The following ADGRG3 variants were observed in gnomAD, a reference collection of about 807,000 sequenced individuals.
ADGRG3 encodes G protein-coupled receptor 97.
ADGRG3 carries 39 observed loss-of-function variants against 54.3 expected under a neutral mutation model. The observed-to-expected ratio is 0.72, with a 90% CI of 0.56 to 0.94. The LOEUF (loss-of-function observed/expected upper bound fraction) is 0.94. Among genes scored for constraint, ADGRG3 ranks in the 40% least tolerant of loss-of-function variants. ADGRG3 has a pLI of 0.00. For missense variants in ADGRG3, 654 were observed against 694.6 expected, an observed-to-expected ratio of 0.94 and a Z score of 0.66; for synonymous variants, 312 against 290.0, an observed-to-expected ratio of 1.08 and a Z score of -0.77.
chr16:57,670,623 CATCT>C (rs1452510538), intron 1 of ADGRG3, among the ~76,000 whole-genome samples: 3 of 152,160 alleles, frequency 2.0e-5, no homozygotes, highest in African/African-American at 7.2e-5. Context: ...TATTCATGCT[CATCT>C]ATCATTTTCA....
Position 57,668,386 on chromosome 16 carries a change from C to G in ADGRG3, c.39C>G (p.Leu13=). 3.2e-6 allele frequency: 5 copies of G among 1,574,836 alleles called. No individual in the cohort carries two copies. Among genetic ancestry groups the G allele is most frequent in the Non-Finnish European group, 4.3e-6 (5 of 1,167,904 alleles). The change falls in exon 1 of 12, where the codon CTC becomes CTG. Residue 13 remains leucine (L), a synonymous_variant. Transcript: ENST00000333493. The part of the protein sequence containing the change: ...TPRGLGALLL[L]LLLPTSGQEK... ...GGGGCCTGGGGGCCCTGCTCCTGCT[C>G]CTCCTGCTCCCGACCTCAGGTGAGT...
At chr16:57,682,161 G>A (rs1597775556) in intron 8 of ADGRG3, among the ~76,000 whole-genome samples, 1 of 152,340 alleles carries the variant, frequency 6.6e-6, no homozygotes, top group East Asian at 1.9e-4. Context: ...GGGAGTGAGT[G>A]CAGGACAGGC....
At chr16:57,676,452 C>A (rs541362748) in intron 3 of ADGRG3, 114 bp downstream of exon 3, 5 of 986,026 alleles carry the variant, frequency 5.1e-6, no homozygotes, top group East Asian at 4.9e-5. Flanking sequence ...GTCCCTCCCC[C>A]ACGTCCCAAT....
Position 57,680,499 on chromosome 16 carries a change from C to T in ADGRG3, c.769-6C>T, listed in dbSNP as rs114751707. On this transcript the variant is annotated splice_polypyrimidine_tract_variant and splice_region_variant and intron_variant, in intron 7 of 11. Transcript: ENST00000333493. ...GACGTGGTCCCGGTTCTGGGGTCAC[C>T]CACAGAGACCCACCTTGGACCAGTC... 1.0e-5 allele frequency: 16 copies of T among 1,607,986 alleles called. No individual in the cohort carries two copies. In the African/African-American group the frequency reaches 2.0e-4, roughly 20 times the overall value.
chr16:57,681,358 G>C (rs2048364189), intron 8 of ADGRG3: 2 of 117,878 alleles, frequency 1.7e-5, no homozygotes, highest in South Asian at 2.3e-4. Context: ...CTGTGTGTGT[G>C]TGTGTGTGTG....
intron 1 of ADGRG3, among the ~76,000 whole-genome samples, chr16:57,670,893 C>G (rs764187927): frequency 7.9e-5 from 12 of 152,000 alleles, no homozygotes; most frequent in Non-Finnish European, 1.5e-4. Context: ...TTTAAAAAAT[C>G]AAATACCAGG....
intron 1 of ADGRG3, 104 bp downstream of exon 1, chr16:57,668,509 T>A (rs1424840855): frequency 1.2e-5 from 13 of 1,086,376 alleles, no homozygotes; most frequent in Non-Finnish European, 1.7e-5. Context: ...GGTGAGGAGT[T>A]GGGGTGTCTG....
rs2048523341 is a variant in ADGRG3, at chr16:57,688,981, G to A, written c.*520G>A. 6.3e-6 allele frequency: 1 copy of A among 159,074 alleles called. No individual in the cohort carries two copies. The highest frequency in any genetic ancestry group is 5.9e-5 in the Admixed American group (1 of 16,812). The allele number at this position is 159,074 out of a possible 1,614,324, so 9.9% of individuals were successfully genotyped here. On this transcript the variant is annotated 3_prime_UTR_variant, in exon 12 of 12. Transcript: ENST00000333493. ...CCCACCCAGTCTGCCCCTGGTCTCTGCCCATCCAATCAGAGCCCACCCTCC... is the reference window on the plus strand; with the variant it reads ...CCCACCCAGTCTGCCCCTGGTCTCTACCCATCCAATCAGAGCCCACCCTCC...
chr16:57,666,929 C>T (rs2048071143), upstream of ADGRG3, among the ~76,000 whole-genome samples: 2 of 152,332 alleles, frequency 1.3e-5, no homozygotes, highest in South Asian at 2.1e-4. Context: ...AGTCCACTGC[C>T]CCACCTCACC....
At chr16:57,682,017 G>A (rs1195626087) in intron 8 of ADGRG3, among the ~76,000 whole-genome samples, 1 of 152,252 alleles carries the variant, frequency 6.6e-6, no homozygotes, top group Non-Finnish European at 1.5e-5. Context: ...GTCAAGAGCT[G>A]GAATACACAG....
rs76022962 is a variant in ADGRG3 at position 57,679,900 on chromosome 16, G to A, written c.667+45G>A. On this transcript the variant is annotated intron_variant, in intron 6 of 11. Transcript: ENST00000333493. Reference sequence around the variant, plus strand: ...CTCTGGGGTAAGACAGGAAGGGAGGGTATGGGCTGCATTGTGGGGCGGGGC... The same window carrying A: ...CTCTGGGGTAAGACAGGAAGGGAGGATATGGGCTGCATTGTGGGGCGGGGC... 3,791 of 1,495,450 alleles carry A rather than the reference G, an allele frequency of 2.5e-3. 63 individuals are homozygous for A. The African/African-American group carries it at 0.04, about 16-fold the overall frequency. 92.6% of individuals were successfully genotyped at this position (1,495,450 alleles called of 1,614,324 possible).
At chr16:57,682,705 G>C (rs1286098098) in intron 8 of ADGRG3, 1 of 900,924 alleles carries the variant, frequency 1.1e-6, no homozygotes, top group Non-Finnish European at 1.3e-6. Flanking sequence ...TTTGGATCTG[G>C]TTTGCTAAGA....
chr16:57,684,692 C>T (rs1359907666), intron 10 of ADGRG3, among the ~76,000 whole-genome samples: 7 of 152,084 alleles, frequency 4.6e-5, no homozygotes, highest in Non-Finnish European at 8.8e-5. Context: ...AGAGAGGGGG[C>T]CTGAGAAAGG....
chr16:57,679,312 G>T lies in ADGRG3; in HGVS notation c.627+1G>T. 1 of 1,613,670 alleles carries T rather than the reference G, an allele frequency of 6.2e-7. No individual in the cohort carries two copies. Among genetic ancestry groups the T allele is most frequent in the Non-Finnish European group, 8.5e-7 (1 of 1,179,864 alleles). The stretch of plus-strand genomic sequence containing the variant: ...CTTCTCTCACCAGCGACCGCCCCCT[G>T]TGAGTCCCCTGCTCAGGCCTGGCAG... On this transcript the variant is annotated splice_donor_variant, in intron 5 of 11. Transcript: ENST00000333493. LOFTEE classifies it high-confidence loss of function.
chr16:57,673,489 G>T, intron 2 of ADGRG3, 21 bp downstream of exon 2: 1 of 1,586,274 alleles, frequency 6.3e-7, no homozygotes, highest in South Asian at 1.1e-5. Context: ...CCCCTGAGCT[G>T]GAGGGGGAAT....
intron 2 of ADGRG3, among the ~76,000 whole-genome samples, chr16:57,674,217 C>T (rs2048216691): frequency 6.6e-6 from 1 of 151,904 alleles, no homozygotes; most frequent in Non-Finnish European, 1.5e-5. Context: ...CAAGTCAGCA[C>T]CACTAGCAGC....
Position 57,688,678 on chromosome 16 carries a change from G to T in ADGRG3, c.*217G>T, listed in dbSNP as rs1341203784. 1.8e-5 allele frequency: 10 copies of T among 542,894 alleles called. No individual in the cohort carries two copies. The highest frequency in any genetic ancestry group is 1.7e-5 in the Non-Finnish European group (5 of 301,674). The allele number at this position is 542,894 out of a possible 1,614,324, so 33.6% of individuals were successfully genotyped here. On this transcript the variant is annotated 3_prime_UTR_variant, in exon 12 of 12. Coordinates refer to ENST00000333493, the MANE Select transcript of ADGRG3 (RefSeq NM_170776.5). ...GTAAGCAGGTTTGCAAGGCTCTAAAGTTCCTATAGTCCTGAGACCCCCTGC... is the reference window on the plus strand; with the variant it reads ...GTAAGCAGGTTTGCAAGGCTCTAAATTTCCTATAGTCCTGAGACCCCCTGC...
At position 57,673,471 on chromosome 16, in the gene ADGRG3, G is replaced by A. The variant is rs747255029; in HGVS notation, c.206+3G>A. The A allele has an allele frequency of 6.3e-7, 1 of 1,596,876 alleles. No individual in the cohort carries two copies. Among genetic ancestry groups the A allele is most frequent in the Non-Finnish European group, 8.6e-7 (1 of 1,165,624 alleles). ...TGCAATGTGGAAAACTTGCAGAGGT[G>A]AGGGGGCCCCCTGAGCTGGAGGGGG... On this transcript the variant is annotated splice_donor_region_variant and intron_variant, in intron 2 of 11. Coordinates refer to ENST00000333493, the MANE Select transcript of ADGRG3 (RefSeq NM_170776.5).
In ADGRG3 at chr16:57,676,293, C is replaced by T; in HGVS notation, c.300C>T (p.Ser100=). The change falls in exon 3 of 12, where the codon AGC becomes AGT. Residue 100 remains serine (S), a synonymous_variant. Coordinates refer to ENST00000333493, the MANE Select transcript of ADGRG3 (RefSeq NM_170776.5). ...PFLKALVQNL[S]TNTAEDFYFS... ...TGAAGGCTTTGGTCCAGAACCTCAG[C>T]ACCAACACTGCAGAAGACTTCTATT... 3.1e-6 allele frequency: 5 copies of T among 1,614,058 alleles called. No homozygotes were observed. Among genetic ancestry groups the T allele is most frequent in the Non-Finnish European group, 4.2e-6 (5 of 1,179,912 alleles).
Sources: allele counts gnomAD v4.1 joint callset (sites outside exome capture counted in the v4.1 genomes callset), GRCh38; gene constraint gnomAD v4.1.1; transcripts MANE v1.5; gene names NCBI Gene and HGNC (gene_info 2026-07-23, HGNC 2026-07-21).